The following HMCN2 variants were observed in gnomAD, a reference collection of about 807,000 sequenced individuals.
HMCN2 encodes the protein hemicentin 2.
A neutral mutation model predicts 377.5 loss-of-function variants in HMCN2; 325 were observed. That is an observed-to-expected ratio of 0.86 (90% CI 0.79 to 0.94). The LOEUF (loss-of-function observed/expected upper bound fraction) is 0.94, where lower values mean the gene tolerates loss of function less well. Ranked by LOEUF, HMCN2 falls within the 40% of genes least tolerant of loss-of-function variation. HMCN2 has a pLI of 0.00. For missense variants in HMCN2, 4,543 were observed against 4,725.3 expected (o/e 0.96, Z 1.13); for synonymous variants, 2,007 against 2,046.8 (o/e 0.98, Z 0.53).
In HMCN2 at chr9:130,301,506, G is replaced by A. The variant is rs187317063; in HGVS notation, c.1277-1351G>A. 2.0e-5 allele frequency among the ~76,000 whole-genome samples: 3 copies of A among 152,322 alleles called. No homozygotes were observed. In the East Asian group the frequency reaches 5.8e-4, roughly 29 times the overall value. The stretch of plus-strand genomic sequence containing the variant: ...GTGGCTCTGGGTTTGGAGAGATGAG[G>A]GTGGGCCTGTGGTCCCATTTAGCTC... On this transcript the variant is annotated intron_variant, in intron 8 of 97. Transcript: ENST00000683500.
Position 130,384,491 on chromosome 9 carries a change from C to T in HMCN2, c.8949C>T (p.Asp2983=). 7.7e-7 allele frequency: 1 copy of T among 1,304,286 alleles called. No individual in the cohort carries two copies. The highest frequency in any genetic ancestry group is 1.0e-6 in the Non-Finnish European group (1 of 988,962). The allele number at this position is 1,304,286 out of a possible 1,614,324, so 80.8% of individuals were successfully genotyped here. The change falls in exon 58 of 98, where the codon GAC becomes GAT. Residue 2983 remains aspartate (D), a synonymous_variant. Coordinates refer to ENST00000683500, the MANE Select transcript of HMCN2 (RefSeq NM_001291815.2). The part of the protein sequence containing the change: ...HPNPEVTWYK[D]SQALSLGEEV... The stretch of plus-strand genomic sequence containing the variant: ...ACCCCGAGGTCACGTGGTACAAGGA[C>T]AGCCAGGCCCTCTCCCTGGGTGAAG...
At chr9:130,387,939 G>A (rs539380875) in intron 61 of HMCN2, among the ~76,000 whole-genome samples, 2 of 152,338 alleles carry the variant, frequency 1.3e-5, no homozygotes, top group East Asian at 3.9e-4. Flanking sequence ...AAAGTAACAA[G>A]AAAGGGACTG....
Position 130,369,260 on chromosome 9 carries a change from C to T in HMCN2, c.6788-310C>T, listed in dbSNP as rs1411979678. ...AGAAACCCACCCGTAGAATAATTTC[C>T]CACCCCTAACCAGTCCCAACAACTG... On this transcript the variant is annotated intron_variant, in intron 44 of 97. Transcript: ENST00000683500. The surrounding 1 kb of genome is among the most constrained non-coding windows in gnomAD (Gnocchi z 4.5). Among the ~76,000 whole-genome samples, 1 of 152,186 alleles carries T rather than the reference C, an allele frequency of 6.6e-6. No homozygotes were observed. The highest frequency in any genetic ancestry group is 2.4e-5 in the African/African-American group (1 of 41,438).
At chr9:130,284,531 G>A (rs1447641032) in intron 1 of HMCN2, 72 bp from the exon 2 acceptor site, 9 of 466,786 alleles carry the variant, frequency 1.9e-5, no homozygotes, top group South Asian at 6.2e-5. Context: ...TCATGTCGCC[G>A]ACAAACCAGC....
At position 130,433,379 on chromosome 9, in the gene HMCN2, G is replaced by T. The variant is rs113041177; in HGVS notation, c.14926G>T (p.Gly4976Cys). The T allele has an allele frequency of 6.2e-5, 91 of 1,478,110 alleles. 1 individual carries two copies. The South Asian group carries it at 7.6e-4, about 12-fold the overall frequency. 91.6% of individuals were successfully genotyped at this position (1,478,110 alleles called of 1,614,324 possible). A position where few individuals can be genotyped will look rare whatever the true frequency, so the allele number is the denominator to read the frequency against. ...CTTCCGGCGCTGCTCGCAGGACTGCGGCACGGGCGGCCCCTCTACGCTGCA... is the reference window on the plus strand; with the variant it reads ...CTTCCGGCGCTGCTCGCAGGACTGCTGCACGGGCGGCCCCTCTACGCTGCA... ...TCFRRCSQDC[G>C]TGGPSTLQYR... is the part of the protein sequence containing the mutation. The change falls in exon 98 of 98, where the codon GGC (glycine) becomes TGC (cysteine). Residue 4976 changes from glycine to cysteine, a missense_variant. Coordinates refer to ENST00000683500, the MANE Select transcript of HMCN2 (RefSeq NM_001291815.2).
In HMCN2 at chr9:130,407,740, G is replaced by T; in HGVS notation, c.12688+35G>T. The T allele has an allele frequency of 2.5e-5, 29 of 1,179,378 alleles. 1 individual carries two copies. Among genetic ancestry groups the T allele is most frequent in the Non-Finnish European group, 3.1e-5 (29 of 933,194 alleles). 73.1% of individuals were successfully genotyped at this position (1,179,378 alleles called of 1,614,324 possible). ...ATTCCCCAGGTGGCTTCTCTCTCAA[G>T]ACCTCCAGTCTATTGGGACCCAATC... On this transcript the variant is annotated intron_variant, in intron 83 of 97. Coordinates refer to ENST00000683500, the MANE Select transcript of HMCN2 (RefSeq NM_001291815.2).
At position 130,430,953 on chromosome 9, in the gene HMCN2, G is replaced by A. The variant is rs139626355; in HGVS notation, c.14647+349G>A. 1.9e-3 allele frequency: 710 copies of A among 373,706 alleles called. 9 individuals carry two copies. The highest frequency in any genetic ancestry group is 0.014 in the African/African-American group (666 of 48,946). The allele number at this position is 373,706 out of a possible 1,614,324, so 23.1% of individuals were successfully genotyped here. ...AGCAGTCAGGGAGGGAGATTTTCAG[G>A]GGTGAAGGAGAATGTTCCAGGTAGA... is the stretch of plus-strand genomic sequence containing the variant. On this transcript the variant is annotated intron_variant, in intron 95 of 97. Transcript: ENST00000683500.
chr9:130,393,971 G>C lies in HMCN2; in HGVS notation c.10464G>C (p.Ala3488=). 7.8e-7 allele frequency: 1 copy of C among 1,280,256 alleles called. No individual in the cohort carries two copies. Among genetic ancestry groups the C allele is most frequent in the Non-Finnish European group, 1.0e-6 (1 of 984,864 alleles). The allele number at this position is 1,280,256 out of a possible 1,614,324, so 79.3% of individuals were successfully genotyped here. ...ACTCCTGTGTGGCCGTGAGCGAGGC[G>C]GGGGAAGCCAGGAGGCATTTCCAGC... is the stretch of plus-strand genomic sequence containing the variant. ...GTYSCVAVSE[A]GEARRHFQLT... is the part of the protein sequence containing the mutation. Residue 3488 remains alanine (A), a synonymous_variant, in exon 68 of 98, where the codon GCG becomes GCC. Coordinates refer to ENST00000683500, the MANE Select transcript of HMCN2 (RefSeq NM_001291815.2). This position sits in a 1 kb window ranked among gnomAD's most constrained non-coding sequence, Gnocchi z 5.2.
chr9:130,403,274 G>T lies in HMCN2; in HGVS notation c.11959G>T (p.Gly3987Cys). ...EEVLLPCEAS[G>C]IPRPTITWQK... ...GGTGCTGCTGCCCTGCGAGGCCTCA[G>T]GCATCCCCCGGCCGACCATCACCTG... Residue 3987 changes from glycine (G) to cysteine (C), a missense_variant, in exon 79 of 98, where the codon GGC becomes TGC. Coordinates refer to ENST00000683500, the MANE Select transcript of HMCN2 (RefSeq NM_001291815.2). 7.8e-7 allele frequency: 1 copy of T among 1,289,828 alleles called. No homozygotes were observed. The highest frequency in any genetic ancestry group is 1.0e-6 in the Non-Finnish European group (1 of 988,856). The allele number at this position is 1,289,828 out of a possible 1,614,324, so 79.9% of individuals were successfully genotyped here.
chr9:130,355,533 TTAAA>T (rs1201710594), intron 32 of HMCN2, among the ~76,000 whole-genome samples: 2 of 152,100 alleles, frequency 1.3e-5, no homozygotes, highest in Non-Finnish European at 2.9e-5. Flanking sequence ...GAGGCAGATG[TTAAA>T]TAATTAGGCC....
In HMCN2 at chr9:130,424,855, T is replaced by A. The variant is rs772609745; in HGVS notation, c.13461T>A (p.Asn4487Lys). The change falls in exon 88 of 98, where the codon AAT (asparagine) becomes AAA (lysine). Residue 4487 changes from asparagine to lysine, a missense_variant. Coordinates refer to ENST00000683500, the MANE Select transcript of HMCN2 (RefSeq NM_001291815.2). ...CCAGAGAGAGTGGGGAAGCCCTGAA[T>A]GGCCACTCTCTGACTGGGGGCAGGT... ...ALARESGEAL[N>K]GHSLTGGRFR... 6.7e-6 allele frequency: 10 copies of A among 1,485,854 alleles called. 1 individual carries two copies. Among genetic ancestry groups the A allele is most frequent in the Non-Finnish European group, 9.0e-6 (10 of 1,112,684 alleles). 92.0% of individuals were successfully genotyped at this position (1,485,854 alleles called of 1,614,324 possible). A position where few individuals can be genotyped will look rare whatever the true frequency, so the allele number is the denominator to read the frequency against.
Position 130,406,050 on chromosome 9 carries a change from C to T in HMCN2, c.12435C>T (p.Phe4145=), listed in dbSNP as rs1168388880. The T allele has an allele frequency of 1.3e-5, 17 of 1,289,790 alleles. No homozygotes were observed. Among genetic ancestry groups the T allele is most frequent in the Non-Finnish European group, 1.6e-5 (16 of 988,898 alleles). The allele number at this position is 1,289,790 out of a possible 1,614,324, so 79.9% of individuals were successfully genotyped here. ...TCACCATCCTGGTACTGCCTGTGTT[C>T]ACCACCCTGCCTGGGGACCGCAGCC... ...VHLTILVLPV[F]TTLPGDRSLR... The change falls in exon 82 of 98, where the codon TTC becomes TTT. Residue 4145 remains phenylalanine (F), a synonymous_variant. Transcript: ENST00000683500.
In HMCN2 at chr9:130,365,994, C is replaced by T. The variant is rs752299007; in HGVS notation, c.6624C>T (p.Asp2208=). The change falls in exon 43 of 98, where the codon GAC becomes GAT. Residue 2208 remains aspartate (D), a splice_region_variant and synonymous_variant. Coordinates refer to ENST00000683500, the MANE Select transcript of HMCN2 (RefSeq NM_001291815.2). ...VPFPKISWRK[D]GQPLPGEGAG... ...TCCCCAAGATCTCCTGGAGGAAGGA[C>T]GGTAGGATTGCTGCCCTCACCCAGC... 264 of 986,012 alleles carry T rather than the reference C, an allele frequency of 2.7e-4. 3 individuals are homozygous for T. The highest frequency in any genetic ancestry group is 1.2e-3 in the Admixed American group (19 of 16,282). 61.1% of individuals were successfully genotyped at this position (986,012 alleles called of 1,614,324 possible). A position where few individuals can be genotyped will look rare whatever the true frequency, so the allele number is the denominator to read the frequency against.
In HMCN2 at chr9:130,395,024, C is replaced by T; in HGVS notation, c.10693-3C>T. The T allele has an allele frequency of 7.8e-7, 1 of 1,283,218 alleles. No individual in the cohort carries two copies. The highest frequency in any genetic ancestry group is 1.5e-5 in the African/African-American group (1 of 65,310). The allele number at this position is 1,283,218 out of a possible 1,614,324, so 79.5% of individuals were successfully genotyped here. A position where few individuals can be genotyped will look rare whatever the true frequency, so the allele number is the denominator to read the frequency against. The stretch of plus-strand genomic sequence containing the variant: ...GCAGCTGCTCAACCCGCTCCATCCC[C>T]AGGTTAGGGATGCTGGGCTGTACAC... On this transcript the variant is annotated splice_region_variant and splice_polypyrimidine_tract_variant and intron_variant, in intron 69 of 97. Transcript: ENST00000683500.
intron 4 of HMCN2, among the ~76,000 whole-genome samples, chr9:130,289,503 T>C: frequency 6.6e-6 from 1 of 152,134 alleles, no homozygotes; most frequent in East Asian, 1.9e-4. Flanking sequence ...CTCGCAGCCC[T>C]GCCACTTACC....
In HMCN2 at chr9:130,406,061, CTGGGGACCGCAGCCTGCGCCT is replaced by C. The variant is rs754330672; in HGVS notation, c.12454_12474del (p.Ser4153_Arg4159del). ...GTACTGCCTGTGTTCACCACCCTGC[CTGGGGACCGCAGCCTGCGCCT>C]TGGGGACAGGCTGTGGCTTCGCTGT... On this transcript the variant is annotated inframe_deletion, in exon 82 of 98. Transcript: ENST00000683500. The C allele has an allele frequency of 3.1e-6, 4 of 1,289,890 alleles. No individual in the cohort carries two copies. The highest frequency in any genetic ancestry group is 4.3e-4 in the Middle Eastern group (2 of 4,696). 79.9% of individuals were successfully genotyped at this position (1,289,890 alleles called of 1,614,324 possible). A position where few individuals can be genotyped will look rare whatever the true frequency, so the allele number is the denominator to read the frequency against.
intron 37 of HMCN2, 44 bp downstream of exon 37, chr9:130,359,458 T>C: frequency 9.2e-7 from 1 of 1,084,856 alleles, no homozygotes. Context: ...CAGCCCAATT[T>C]ACTGTCTAAT....
chr9:130,384,359 G>A lies in HMCN2; in HGVS notation c.8831-14G>A, dbSNP rs1841899230. ...TTCTCATGCCTTTCTCTACCGTGGT[G>A]GCTGTGGGGATAGTCCCGCCACGAA... On this transcript the variant is annotated splice_polypyrimidine_tract_variant and intron_variant, in intron 57 of 97. Coordinates refer to ENST00000683500, the MANE Select transcript of HMCN2 (RefSeq NM_001291815.2). The A allele has an allele frequency of 7.0e-6, 9 of 1,287,834 alleles. No individual in the cohort carries two copies. In the South Asian group the frequency reaches 1.1e-4, roughly 16 times the overall value. The allele number at this position is 1,287,834 out of a possible 1,614,324, so 79.8% of individuals were successfully genotyped here.
intron 4 of HMCN2, among the ~76,000 whole-genome samples, chr9:130,293,645 C>T (rs2131308033): frequency 6.6e-6 from 1 of 152,042 alleles, no homozygotes; most frequent in Non-Finnish European, 1.5e-5. Flanking sequence ...GATAGCTCTG[C>T]CCAGGAGATG....
Sources: gnomAD v4.1 joint callset for allele counts (sites outside exome capture counted in the v4.1 genomes callset) on GRCh38, gnomAD v4.1.1 for gene constraint, Gnocchi (gnomAD v3.1) non-coding constraint, MANE v1.5 for transcripts, NCBI Gene and HGNC (gene_info 2026-07-23, HGNC 2026-07-21) for gene names.